ANAPC4: variants seen among roughly 807,000 people sequenced by gnomAD.
ANAPC4 encodes the protein anaphase-promoting complex subunit 4.
ANAPC4 carries 63 observed loss-of-function variants against 119.8 expected under a neutral mutation model. The ratio of observed to expected loss-of-function variants is 0.53; its 90% CI spans 0.43 to 0.65. The LOEUF is 0.65. Ranked by LOEUF, ANAPC4 falls within the 30% of genes least tolerant of loss-of-function variation. The probability of loss-of-function intolerance (pLI) is 0.00; values close to 1 mark genes in which losing one functional copy is unlikely to be tolerated. For missense variants in ANAPC4, 716 were observed against 945.1 expected, an observed-to-expected ratio of 0.76 and a Z score of 3.18; for synonymous variants, 283 against 318.6, an observed-to-expected ratio of 0.89 and a Z score of 1.19.
At chr4:25,403,186 A>G (rs1179156733) in intron 17 of ANAPC4, among the ~76,000 whole-genome samples, 160 bp downstream of exon 17, 3 of 152,174 alleles carry the variant, frequency 2.0e-5, no homozygotes, top group African/African-American at 7.2e-5. Context: ...GCAGTTATCA[A>G]CACATGGGCA....
rs58309196 is a variant in ANAPC4, at chr4:25,396,184, T to C, written c.1062-480T>C. Among the ~76,000 whole-genome samples, 1,005 of 152,322 alleles carry C rather than the reference T, an allele frequency of 6.6e-3. 8 individuals carry two copies. Among genetic ancestry groups the C allele is most frequent in the African/African-American group, 0.023 (938 of 41,564 alleles). ...TTATACCTGCACCCCATGTGTTTCC[T>C]TCAAGGCATTTATAGTAGTTGGAAT... On this transcript the variant is annotated intron_variant, in intron 14 of 28. Coordinates refer to ENST00000315368, the MANE Select transcript of ANAPC4 (RefSeq NM_013367.3).
rs756401452 is a variant in ANAPC4 at position 25,394,361 on chromosome 4, T to C, written c.928T>C (p.Trp310Arg). ...AGATGAGTTCATGCACTTGCTATTA[T>C]GGGGGAAAGCAAGGTAATAAACTCA... ...VQDEFMHLLL[W>R]GKASAELQTL... The change falls in exon 12 of 29, where the codon TGG becomes CGG. Residue 310 changes from tryptophan (W) to arginine (R), a missense_variant. Transcript: ENST00000315368. The C allele has an allele frequency of 1.3e-6, 2 of 1,578,866 alleles. 1 individual carries two copies. The highest frequency in any genetic ancestry group is 4.1e-5 in the Admixed American group (2 of 48,328).
chr4:25,397,047 C>T (rs1722689976), intron 16 of ANAPC4, 148 bp downstream of exon 16: 2 of 749,978 alleles, frequency 2.7e-6, no homozygotes, highest in Admixed American at 3.2e-5. Flanking sequence ...GAAAAGCCAG[C>T]AGCACAGAGA....
intron 3 of ANAPC4, among the ~76,000 whole-genome samples, chr4:25,381,269 A>G (rs1438367479): frequency 6.6e-6 from 1 of 152,064 alleles, no homozygotes; most frequent in African/African-American, 2.4e-5. Flanking sequence ...TTGTTTTTGT[A>G]ACATATATGC....
Position 25,405,646 on chromosome 4 carries a change from G to A in ANAPC4, c.1317+27G>A. On this transcript the variant is annotated intron_variant, in intron 18 of 28. Coordinates refer to ENST00000315368, the MANE Select transcript of ANAPC4 (RefSeq NM_013367.3). The surrounding 1 kb of genome is among the most constrained non-coding windows in gnomAD (Gnocchi z 4.6). ...TAGTATGTACTAGTGCATTTTCACA[G>A]TGTTCACATTGTCCTGCTTGAACTC... is the stretch of plus-strand genomic sequence containing the variant. 1 of 1,609,210 alleles carries A rather than the reference G, an allele frequency of 6.2e-7. No individual in the cohort carries two copies. The highest frequency in any genetic ancestry group is 1.3e-5 in the African/African-American group (1 of 74,950).
intron 14 of ANAPC4, 115 bp from the exon 15 acceptor site, chr4:25,396,549 G>A: frequency 1.3e-6 from 1 of 784,002 alleles, no homozygotes; most frequent in Non-Finnish European, 2.0e-6. Context: ...ATTTCTCATG[G>A]AAACAAAATG....
At chr4:25,395,088 T>G in intron 14 of ANAPC4, 183 bp downstream of exon 14, 1 of 527,998 alleles carries the variant, frequency 1.9e-6, no homozygotes, top group Non-Finnish European at 3.3e-6. Context: ...ATAATTCTGC[T>G]TTATGAAGTA....
At chr4:25,389,825 G>A (rs1722246314) in intron 7 of ANAPC4, among the ~76,000 whole-genome samples, 1 of 152,094 alleles carries the variant, frequency 6.6e-6, no homozygotes, top group African/African-American at 2.4e-5. Context: ...ATGGCACTTT[G>A]TATTAGTTGG....
rs1721447569 is a variant in ANAPC4 at position 25,377,272 on chromosome 4, G to T, written c.-83G>T. ...GGCGGGGCGGGGCGGCCTGGAGGCT[G>T]TGGCGCGCGGCCGGCAGAGGGAGGG... On this transcript the variant is annotated 5_prime_UTR_variant, in exon 1 of 29. Coordinates refer to ENST00000315368, the MANE Select transcript of ANAPC4 (RefSeq NM_013367.3). The T allele has an allele frequency of 1.9e-6, 2 of 1,059,692 alleles. No individual in the cohort carries two copies. Among genetic ancestry groups the T allele is most frequent in the South Asian group, 3.4e-5 (2 of 58,408 alleles). The allele number at this position is 1,059,692 out of a possible 1,614,324, so 65.6% of individuals were successfully genotyped here. A position where few individuals can be genotyped will look rare whatever the true frequency, so the allele number is the denominator to read the frequency against.
chr4:25,381,103 T>C (rs1182826729), intron 3 of ANAPC4, among the ~76,000 whole-genome samples: 1 of 152,242 alleles, frequency 6.6e-6, no homozygotes, highest in African/African-American at 2.4e-5. Context: ...AGTAAAATGC[T>C]GTAAACCCTA....
chr4:25,397,827 G>A (rs1278132131), intron 16 of ANAPC4, among the ~76,000 whole-genome samples: 1 of 150,284 alleles, frequency 6.7e-6, no homozygotes, highest in Admixed American at 6.6e-5. Context: ...CAGTGTTTTT[G>A]GGTGTGGGCC....
At chr4:25,403,369 T>C (rs896763220) in intron 17 of ANAPC4, among the ~76,000 whole-genome samples, 2 of 152,226 alleles carry the variant, frequency 1.3e-5, no homozygotes, top group South Asian at 4.1e-4. Context: ...CATTTTTCCT[T>C]GTGCTAGAAA....
intron 7 of ANAPC4, 26 bp from the exon 8 acceptor site, chr4:25,390,110 C>T (rs1351942830): frequency 6.6e-7 from 1 of 1,513,744 alleles, no homozygotes; most frequent in East Asian, 2.3e-5. Context: ...GATTGGTTCT[C>T]AGCTTGTTGC....
At chr4:25,402,713 C>G (rs1723041711) in intron 16 of ANAPC4, among the ~76,000 whole-genome samples, 1 of 152,144 alleles carries the variant, frequency 6.6e-6, no homozygotes, top group Non-Finnish European at 1.5e-5. Flanking sequence ...GACTATTACA[C>G]AGTTTGTGGC....
chr4:25,415,420 C>T, intron 25 of ANAPC4, 46 bp from the exon 26 acceptor site: 2 of 1,430,290 alleles, frequency 1.4e-6, no homozygotes, highest in South Asian at 1.2e-5. Flanking sequence ...ATTGACTATC[C>T]AGGTTGTTCC....
At position 25,388,750 on chromosome 4, in the gene ANAPC4, T is replaced by A. The variant is rs1039344227; in HGVS notation, c.470+7T>A. The stretch of plus-strand genomic sequence containing the variant: ...ACACCTCAAAAATATTTAGGTAAGA[T>A]ACGCCTTTTCTTGTTTTCAAGTAAG... On this transcript the variant is annotated splice_region_variant and intron_variant, in intron 6 of 28. Transcript: ENST00000315368. The A allele has an allele frequency of 3.1e-6, 5 of 1,608,968 alleles. No individual in the cohort carries two copies. Among genetic ancestry groups the A allele is most frequent in the Non-Finnish European group, 4.2e-6 (5 of 1,177,292 alleles).
chr4:25,406,735 T>C, intron 18 of ANAPC4, 94 bp from the exon 19 acceptor site: 2 of 919,032 alleles, frequency 2.2e-6, no homozygotes, highest in Non-Finnish European at 1.7e-6. Context: ...TTTTAGTAGA[T>C]AGTAAAAATG....
chr4:25,406,977 A>T, intron 19 of ANAPC4, 92 bp downstream of exon 19: 1 of 1,070,486 alleles, frequency 9.3e-7, no homozygotes, highest in Non-Finnish European at 1.4e-6. Flanking sequence ...ACCCAATTTA[A>T]TTGAAGTCTA....
At chr4:25,401,054 T>C (rs778700265) in intron 16 of ANAPC4, among the ~76,000 whole-genome samples, 1 of 152,136 alleles carries the variant, frequency 6.6e-6, no homozygotes, top group Admixed American at 6.5e-5. Flanking sequence ...TTTCTCAAAG[T>C]GTTCTCCTGT....
Sources: allele counts gnomAD v4.1 joint callset (sites outside exome capture counted in the v4.1 genomes callset), GRCh38; gene constraint gnomAD v4.1.1; non-coding constraint Gnocchi (gnomAD v3.1); transcripts MANE v1.5; gene names NCBI Gene and HGNC (gene_info 2026-07-23, HGNC 2026-07-21).